Variants in SLC20A2 observed in about 807,000 individuals in gnomAD.
SLC20A2 encodes solute carrier family 20 member 2.
In SLC20A2, 30 loss-of-function variants were observed where a neutral mutation model predicts 61.0. That is an observed-to-expected ratio of 0.49 (90% CI 0.37 to 0.67). The LOEUF (loss-of-function observed/expected upper bound fraction) is 0.67, where lower values mean the gene tolerates loss of function less well. SLC20A2 is among the 30% of genes least tolerant of loss of function. The pLI is 0.00. For missense variants in SLC20A2, 626 were observed against 866.4 expected, an observed-to-expected ratio of 0.72 and a Z score of 3.48; for synonymous variants, 351 against 353.3, an observed-to-expected ratio of 0.99 and a Z score of 0.07.
At chr8:42,519,128 A>G (rs1195409791) in intron 1 of SLC20A2, among the ~76,000 whole-genome samples, 2 of 152,202 alleles carry the variant, frequency 1.3e-5, no homozygotes, top group Non-Finnish European at 2.9e-5. Flanking sequence ...TTGGCTTAAC[A>G]GAAGTATCAC....
intron 1 of SLC20A2, among the ~76,000 whole-genome samples, chr8:42,519,633 G>A (rs961189906): frequency 5.9e-5 from 9 of 152,052 alleles, no homozygotes; most frequent in African/African-American, 2.2e-4. Context: ...CTTACAAAGA[G>A]CACTTCCTTT....
At chr8:42,429,957 C>T (rs1269905360) in intron 9 of SLC20A2, 107 bp downstream of exon 9, 31 of 922,674 alleles carry the variant, frequency 3.4e-5, no homozygotes, top group Admixed American at 3.2e-5. Context: ...CCCTGTGACC[C>T]GCTGCCAACT....
intron 1 of SLC20A2, among the ~76,000 whole-genome samples, chr8:42,526,399 T>C (rs141875924): frequency 0.019 from 2,763 of 148,596 alleles, 65 homozygotes; most frequent in African/African-American, 0.06. Flanking sequence ...GCCGGCTGGG[T>C]GTGGTGGCTC....
At chr8:42,424,739 C>T (rs558377275) in intron 10 of SLC20A2, among the ~76,000 whole-genome samples, 3 of 152,238 alleles carry the variant, frequency 2.0e-5, no homozygotes, top group South Asian at 4.1e-4. Context: ...AAATAGGCTA[C>T]GACAAAATTG....
At chr8:42,457,785 G>A (rs1304489255) in intron 5 of SLC20A2, among the ~76,000 whole-genome samples, 3 of 151,950 alleles carry the variant, frequency 2.0e-5, no homozygotes, top group Non-Finnish European at 4.4e-5. Context: ...GCGCCCGGCT[G>A]AGTATTTAAG....
chr8:42,461,034 G>C (rs1806650648), intron 4 of SLC20A2, among the ~76,000 whole-genome samples: 1 of 152,214 alleles, frequency 6.6e-6, no homozygotes, highest in South Asian at 2.1e-4. Flanking sequence ...GAACAGTACA[G>C]CCCATCAAGG....
chr8:42,480,270 G>C (rs1386800897), intron 1 of SLC20A2, among the ~76,000 whole-genome samples: 1 of 152,124 alleles, frequency 6.6e-6, no homozygotes, highest in Non-Finnish European at 1.5e-5. Context: ...AAGCCCAAAG[G>C]TTAATTGCAC....
At position 42,430,127 on chromosome 8, in the gene SLC20A2, C is replaced by G; in HGVS notation, c.1646G>C (p.Trp549Ser). 1.2e-6 allele frequency: 2 copies of G among 1,613,972 alleles called. No individual in the cohort carries two copies. Among genetic ancestry groups the G allele is most frequent in the East Asian group, 4.5e-5 (2 of 44,880 alleles). ...CTGGATCACTCTTCTCCCCCAGACCCAGAGGCCTGTGCAGATTCCAACTCC... is the reference window on the plus strand; with the variant it reads ...CTGGATCACTCTTCTCCCCCAGACCGAGAGGCCTGTGCAGATTCCAACTCC... ...YGGVGICTGLWVWGRRVIQTM... is the reference protein window; with the variant it reads ...YGGVGICTGLSVWGRRVIQTM... Residue 549 changes from tryptophan to serine, a missense_variant, in exon 9 of 11, where the codon TGG becomes TCG. This residue lies in a region of SLC20A2 where 138 missense variants were observed against 228.7 expected (regional missense o/e 0.60). Transcript: ENST00000520262.
At chr8:42,478,209 TTTC>T (rs1301414449) in intron 1 of SLC20A2, among the ~76,000 whole-genome samples, 1 of 134,826 alleles carries the variant, frequency 7.4e-6, no homozygotes, top group East Asian at 2.2e-4. Context: ...TTCTTTTCCT[TTTC>T]TTTTTTTTTT....
intron 10 of SLC20A2, among the ~76,000 whole-genome samples, chr8:42,419,008 C>CAAAAAAAAAAAA (rs778981433): frequency 1.6e-5 from 1 of 64,202 alleles, no homozygotes; most frequent in African/African-American, 6.6e-5. Flanking sequence ...GACTCTGTCT[C>CAAAAAAAAAAAA]AAAAAAAAAA....
intron 1 of SLC20A2, among the ~76,000 whole-genome samples, chr8:42,495,091 G>A (rs1244851079): frequency 6.6e-6 from 1 of 151,448 alleles, no homozygotes; most frequent in African/African-American, 2.4e-5. Flanking sequence ...TCCTGACCTC[G>A]TGATCCACCC....
chr8:42,459,235 CAAAAAAAAA>C (rs756966778), intron 5 of SLC20A2, among the ~76,000 whole-genome samples: 1 of 36,076 alleles, frequency 2.8e-5, no homozygotes, highest in African/African-American at 6.7e-5. Flanking sequence ...GACTCTATCT[CAAAAAAAAA>C]AAAAAAAAAA....
intron 2 of SLC20A2, chr8:42,471,083 C>T: frequency 2.2e-6 from 1 of 444,900 alleles, no homozygotes; most frequent in Non-Finnish European, 4.5e-6. Context: ...CTGCAGGACT[C>T]TTCCTACAAG....
intron 1 of SLC20A2, among the ~76,000 whole-genome samples, chr8:42,533,491 C>T (rs1812473699): frequency 6.6e-6 from 1 of 151,862 alleles, no homozygotes; most frequent in Admixed American, 6.6e-5. Context: ...TGGCGCATGC[C>T]TGTGATCCCA....
In SLC20A2 at chr8:42,509,799, C is replaced by T. The variant is rs1348292244; in HGVS notation, c.-265+32022G>A. Among the ~76,000 whole-genome samples the T allele has an allele frequency of 7.2e-5, 11 of 152,112 alleles. No individual in the cohort carries two copies. In the East Asian group the frequency reaches 2.1e-3, roughly 29 times the overall value. ...AACAAAAAGATGCTAGGCTTGAAACCACTAGAGACAGATACAACATGGCCA... is the reference window on the plus strand; with the variant it reads ...AACAAAAAGATGCTAGGCTTGAAACTACTAGAGACAGATACAACATGGCCA... On this transcript the variant is annotated intron_variant, in intron 1 of 10. Transcript: ENST00000342228.
At chr8:42,526,130 A>G (rs1811918320) in intron 1 of SLC20A2, among the ~76,000 whole-genome samples, 1 of 152,200 alleles carries the variant, frequency 6.6e-6, no homozygotes, top group South Asian at 2.1e-4. Context: ...AAGCTGGGCA[A>G]ACACGACCCC....
intron 1 of SLC20A2, chr8:42,534,718 A>T (rs1256455937): frequency 6.6e-6 from 1 of 152,238 alleles, no homozygotes; most frequent in East Asian, 1.9e-4. Flanking sequence ...TAAAGGTGAA[A>T]TTAAAGTCAT....
intron 1 of SLC20A2, among the ~76,000 whole-genome samples, chr8:42,473,345 TCCTCGCAGCTCACTGGCCTTAGC>T (rs1807798776): frequency 7.2e-6 from 1 of 138,484 alleles, no homozygotes; most frequent in African/African-American, 3.5e-5. Flanking sequence ...CCTTCAGGCC[TCCTCGCAGCTCACTGGCCTTAGC>T]TCCTCTCCCC....
chr8:42,534,799 T>C (rs1004287288), intron 1 of SLC20A2: 24 of 152,368 alleles, frequency 1.6e-4, no homozygotes, highest in African/African-American at 5.3e-4. Context: ...TTAGGAATTA[T>C]TCAATGAAAG....
Sources: allele counts gnomAD v4.1 joint callset (sites outside exome capture counted in the v4.1 genomes callset), GRCh38; gene constraint gnomAD v4.1.1; regional missense constraint gnomAD v4.1.1; transcripts MANE v1.5; gene names NCBI Gene and HGNC (gene_info 2026-07-23, HGNC 2026-07-21).